RAG1: variants seen among roughly 807,000 people sequenced by gnomAD.
The protein encoded by RAG1 is V(D)J recombination-activating protein 1.
In RAG1, 35 loss-of-function variants were observed where a neutral mutation model predicts 62.7. The ratio of observed to expected loss-of-function variants is 0.56; its 90% CI spans 0.43 to 0.74. The LOEUF (loss-of-function observed/expected upper bound fraction) is 0.74. Ranked by LOEUF, RAG1 falls within the 30% of genes least tolerant of loss-of-function variation. RAG1 has a pLI of 0.00. For synonymous variants in RAG1, 461 were observed against 470.3 expected (o/e 0.98, Z 0.26); for missense variants, 1,169 against 1,278.6 (o/e 0.91, Z 1.31).
At chr11:36,519,187 G>A (rs1860040599) in intron 1 of RAG1, among the ~76,000 whole-genome samples, 1 of 152,122 alleles carries the variant, frequency 6.6e-6, no homozygotes, top group East Asian at 1.9e-4. Context: ...GCACCAGTAA[G>A]GTAGGGATAT....
At chr11:36,547,439 T>G (rs1013826392) in intron 3 of RAG1, among the ~76,000 whole-genome samples, 32 of 151,862 alleles carry the variant, frequency 2.1e-4, no homozygotes, top group African/African-American at 7.0e-4. Context: ...AATGATAAAG[T>G]GGATATCACC....
intron 3 of RAG1, among the ~76,000 whole-genome samples, chr11:36,560,174 G>A (rs1173374957): frequency 1.3e-5 from 2 of 152,162 alleles, no homozygotes; most frequent in Admixed American, 1.3e-4. Flanking sequence ...CTTTGCTGGG[G>A]TTGGGGAATG....
chr11:36,564,680 T>G (rs1850636391), upstream of RAG1, among the ~76,000 whole-genome samples: 1 of 152,174 alleles, frequency 6.6e-6, no homozygotes, highest in African/African-American at 2.4e-5. Context: ...GAAATTTTAC[T>G]AACAGGGGTA....
chr11:36,518,530 A>G lies in RAG1; in HGVS notation n.331-1602A>G, dbSNP rs1002081029. ...GTTTCCTGACTTTTTAATGATCGCC[A>G]TTCTAACAGGTGTGAGATGGTATCT... On this transcript the variant is annotated intron_variant and non_coding_transcript_variant, in intron 1 of 2. Transcript: ENST00000529126. 3.9e-5 allele frequency among the ~76,000 whole-genome samples: 6 copies of G among 152,292 alleles called. No homozygotes were observed. The East Asian group carries it at 5.8e-4, about 15-fold the overall frequency.
chr11:36,564,984 T>C (rs141913434), upstream of RAG1, among the ~76,000 whole-genome samples: 5 of 152,360 alleles, frequency 3.3e-5, no homozygotes, highest in East Asian at 9.6e-4. Context: ...TTTCTGCTAC[T>C]AATTCCCTTC....
At chr11:36,546,004 C>A (rs1397581657) in intron 3 of RAG1, among the ~76,000 whole-genome samples, 1 of 152,158 alleles carries the variant, frequency 6.6e-6, no homozygotes. Flanking sequence ...GACTGTTTTA[C>A]TACCAATTAT....
intron 2 of RAG1, among the ~76,000 whole-genome samples, chr11:36,529,862 T>C (rs913062765): frequency 2.0e-5 from 3 of 152,212 alleles, no homozygotes; most frequent in South Asian, 2.1e-4. Context: ...GTTTTTTTTT[T>C]CTCTTATTTT....
chr11:36,517,048 G>A (rs1048343880), intron 1 of RAG1, among the ~76,000 whole-genome samples: 1 of 152,190 alleles, frequency 6.6e-6, no homozygotes, highest in Admixed American at 6.5e-5. Flanking sequence ...GCAGCGAAAG[G>A]AGAGAATCTG....
chr11:36,513,004 G>A (rs114856654), intron 1 of RAG1, among the ~76,000 whole-genome samples: 85 of 152,306 alleles, frequency 5.6e-4, no homozygotes, highest in African/African-American at 1.7e-3. Context: ...CATTTGGGTC[G>A]TGGAAGGACA....
At chr11:36,523,719 G>T (rs1166140894) in intron 2 of RAG1, among the ~76,000 whole-genome samples, 1 of 152,146 alleles carries the variant, frequency 6.6e-6, no homozygotes, top group East Asian at 1.9e-4. Flanking sequence ...AATTGCATTT[G>T]CTGGCCATTG....
In RAG1 at chr11:36,576,407, C is replaced by T. The variant is rs751730836; in HGVS notation, c.3103C>T (p.Leu1035=). 3 of 1,614,166 alleles carry T rather than the reference C, an allele frequency of 1.9e-6. No homozygotes were observed. Among genetic ancestry groups the T allele is most frequent in the Non-Finnish European group, 2.5e-6 (3 of 1,180,028 alleles). ...LGDPLGIEDS[L]ESQDSMEF ...GGACCCATTAGGCATAGAGGACTCTCTGGAAAGCCAAGATTCAATGGAATT... is the reference window on the plus strand; with the variant it reads ...GGACCCATTAGGCATAGAGGACTCTTTGGAAAGCCAAGATTCAATGGAATT... The change falls in exon 2 of 2, where the codon CTG becomes TTG. Residue 1035 remains leucine (L), a synonymous_variant. Transcript: ENST00000299440.
intron 3 of RAG1, among the ~76,000 whole-genome samples, chr11:36,541,782 T>C (rs1191531791): frequency 6.6e-6 from 1 of 152,076 alleles, no homozygotes; most frequent in African/African-American, 2.4e-5. Context: ...TAATCAGCCT[T>C]CCCAGCTACT....
At chr11:36,557,346 A>G (rs1418230661) in intron 3 of RAG1, among the ~76,000 whole-genome samples, 1 of 112,676 alleles carries the variant, frequency 8.9e-6, no homozygotes, top group African/African-American at 4.4e-5. Context: ...TGAAAAGCGC[A>G]ATATTCGGGT....
intron 1 of RAG1, among the ~76,000 whole-genome samples, chr11:36,514,631 G>A (rs529287067): frequency 4.6e-5 from 7 of 152,332 alleles, no homozygotes; most frequent in African/African-American, 1.4e-4. Flanking sequence ...GGGGTGATGA[G>A]AGACAGTGGC....
chr11:36,517,698 T>C (rs1860014789), intron 1 of RAG1, among the ~76,000 whole-genome samples: 1 of 152,218 alleles, frequency 6.6e-6, no homozygotes, highest in African/African-American at 2.4e-5. Flanking sequence ...ACTTTCAATT[T>C]CAAATTGAAC....
downstream of RAG1, among the ~76,000 whole-genome samples, chr11:36,536,347 C>G (rs1221148833): frequency 6.6e-6 from 1 of 152,222 alleles, no homozygotes; most frequent in South Asian, 2.1e-4. Flanking sequence ...TCTTAACCAT[C>G]ATGTTGAATG....
intron 1 of RAG1, among the ~76,000 whole-genome samples, chr11:36,519,771 T>G (rs1261655908): frequency 6.6e-6 from 1 of 152,132 alleles, no homozygotes; most frequent in Admixed American, 6.6e-5. Flanking sequence ...TAAGATTGAG[T>G]ATTGTCTTAA....
chr11:36,568,927 T>C (rs998629633), intron 1 of RAG1, among the ~76,000 whole-genome samples: 2 of 152,156 alleles, frequency 1.3e-5, no homozygotes, highest in African/African-American at 2.4e-5. Context: ...TGATACATGA[T>C]GTTTGGCAAA....
At position 36,576,006 on chromosome 11, in the gene RAG1, C is replaced by G. The variant is rs1850843892; in HGVS notation, c.2702C>G (p.Pro901Arg). 1 of 1,614,074 alleles carries G rather than the reference C, an allele frequency of 6.2e-7. No homozygotes were observed. Among genetic ancestry groups the G allele is most frequent in the Admixed American group, 1.7e-5 (1 of 59,998 alleles). ...AAACCAGTATGGCGATCATCATGCCCTGCTAAAGAGTGCCCAGAATCCCTC... is the reference window on the plus strand; with the variant it reads ...AAACCAGTATGGCGATCATCATGCCGTGCTAAAGAGTGCCCAGAATCCCTC... ...KMKPVWRSSC[P>R]AKECPESLCQ... Residue 901 changes from proline (P) to arginine (R), a missense_variant, in exon 2 of 2, where the codon CCT (proline) becomes CGT (arginine). Pro to Arg is a moderately radical substitution (Grantham distance 103). This residue lies in a region of RAG1 where 800 missense variants were observed against 943.3 expected (regional missense o/e 0.85). Coordinates refer to ENST00000299440, the MANE Select transcript of RAG1 (RefSeq NM_000448.3).
Sources: allele counts gnomAD v4.1 joint callset (sites outside exome capture counted in the v4.1 genomes callset), GRCh38; gene constraint gnomAD v4.1.1; regional missense constraint gnomAD v4.1.1; transcripts MANE v1.5; gene names NCBI Gene and HGNC (gene_info 2026-07-23, HGNC 2026-07-21).